Variants in TMEM177 observed in about 807,000 individuals in gnomAD.
The protein encoded by TMEM177 is transmembrane protein 177.
TMEM177 carries 4 observed loss-of-function variants against 14.2 expected under a neutral mutation model. The observed-to-expected ratio is 0.28, with a 90% CI of 0.14 to 0.64. TMEM177 has a LOEUF of 0.64. TMEM177 is among the 30% of genes least tolerant of loss of function. The pLI is 0.82. For missense variants in TMEM177, 344 were observed against 405.2 expected (o/e 0.85, Z 1.30); for synonymous variants, 179 against 174.5 (o/e 1.03, Z -0.20).
At position 119,681,730 on chromosome 2, in the gene TMEM177, A is replaced by G. The variant is rs921413042; in HGVS notation, c.877A>G (p.Thr293Ala). 1 of 1,612,818 alleles carries G rather than the reference A, an allele frequency of 6.2e-7. No homozygotes were observed. Residue 293 changes from threonine to alanine, a missense_variant, in exon 2 of 2, where the codon ACC becomes GCC. Transcript: ENST00000272521. ...LFRIKHLPYT[T>A]RRDSVLQMWR... Reference sequence around the variant, plus strand: ...CCGAATCAAACATTTACCCTACACCACCCGCCGGGACTCTGTGCTGCAGAT... The same window carrying G: ...CCGAATCAAACATTTACCCTACACCGCCCGCCGGGACTCTGTGCTGCAGAT...
the TMEM177 span, among the ~76,000 whole-genome samples, chr2:119,716,843 G>T: frequency 3.3e-5 from 5 of 152,074 alleles, no homozygotes; most frequent in Non-Finnish European, 4.4e-5. Context: ...TCACTTTCTC[G>T]TAAGTACATT....
chr2:119,690,759 G>C (rs115733964), downstream of TMEM177, among the ~76,000 whole-genome samples: 1 of 152,218 alleles, frequency 6.6e-6, no homozygotes, highest in Admixed American at 6.5e-5. Context: ...CTAGTTAAGC[G>C]CGGACAGCTC....
At chr2:119,717,465 T>C in the TMEM177 span, among the ~76,000 whole-genome samples, 2 of 152,082 alleles carry the variant, frequency 1.3e-5, no homozygotes. Flanking sequence ...TGCCCATAGT[T>C]ATGAGTGTAG....
the TMEM177 span, among the ~76,000 whole-genome samples, chr2:119,715,965 G>A: frequency 3.9e-5 from 6 of 152,210 alleles, no homozygotes; most frequent in African/African-American, 1.4e-4. Context: ...CCAGAACAAA[G>A]ACACACTTTA....
At chr2:119,704,234 A>T in the TMEM177 span, among the ~76,000 whole-genome samples, 2 of 152,224 alleles carry the variant, frequency 1.3e-5, no homozygotes, top group South Asian at 2.1e-4. Flanking sequence ...CTAGACATTT[A>T]TTCCATTTAG....
chr2:119,699,882 C>T, the TMEM177 span: 1 of 437,006 alleles, frequency 2.3e-6, no homozygotes, highest in South Asian at 1.7e-5. Flanking sequence ...TTTTGTTGCA[C>T]TAGCTTAAAA....
chr2:119,692,775 C>A, the TMEM177 span, among the ~76,000 whole-genome samples: 1 of 151,978 alleles, frequency 6.6e-6, no homozygotes, highest in African/African-American at 2.4e-5. Context: ...GAGTTTGAGA[C>A]CAGCCTGACC....
chr2:119,710,443 C>G, the TMEM177 span, among the ~76,000 whole-genome samples: 14 of 152,158 alleles, frequency 9.2e-5, no homozygotes, highest in African/African-American at 3.1e-4. Flanking sequence ...CATGCCCAAG[C>G]CCTACCCGCG....
the TMEM177 span, among the ~76,000 whole-genome samples, chr2:119,712,581 A>AAG: frequency 6.6e-6 from 1 of 152,180 alleles, no homozygotes; most frequent in African/African-American, 2.4e-5. Flanking sequence ...ACAAGCCAAG[A>AAG]AGAGGGGCCT....
the TMEM177 span, among the ~76,000 whole-genome samples, chr2:119,711,526 C>T: frequency 1.3e-5 from 2 of 152,182 alleles, no homozygotes; most frequent in East Asian, 1.9e-4. Context: ...GGCAGAAACA[C>T]GCAAGTCCTG....
chr2:119,683,603 G>A (rs1327058695), downstream of TMEM177, among the ~76,000 whole-genome samples: 1 of 152,170 alleles, frequency 6.6e-6, no homozygotes, highest in Non-Finnish European at 1.5e-5. Context: ...CGAACCATTA[G>A]CGAAGGCAGC....
At chr2:119,714,913 G>A in the TMEM177 span, among the ~76,000 whole-genome samples, 1 of 152,240 alleles carries the variant, frequency 6.6e-6, no homozygotes, top group African/African-American at 2.4e-5. Context: ...TTTGAACCCA[G>A]ACAAGGCAAT....
At chr2:119,714,919 G>C in the TMEM177 span, among the ~76,000 whole-genome samples, 5 of 152,206 alleles carry the variant, frequency 3.3e-5, no homozygotes, top group East Asian at 7.7e-4. Context: ...CCCAGACAAG[G>C]CAATAGGGAG....
the TMEM177 span, among the ~76,000 whole-genome samples, chr2:119,723,182 GC>G: frequency 6.6e-6 from 1 of 152,294 alleles, no homozygotes; most frequent in South Asian, 2.1e-4. Context: ...TTATAAAAAA[GC>G]CATCGAAGAC....
At chr2:119,696,967 A>G in the TMEM177 span, among the ~76,000 whole-genome samples, 1 of 152,044 alleles carries the variant, frequency 6.6e-6, no homozygotes, top group Non-Finnish European at 1.5e-5. Context: ...GTTGAAATCC[A>G]TTGTCTCTCC....
At chr2:119,700,605 A>T in the TMEM177 span, among the ~76,000 whole-genome samples, 1 of 152,180 alleles carries the variant, frequency 6.6e-6, no homozygotes, top group Admixed American at 6.5e-5. Context: ...CTACAGTTGC[A>T]CCCACCATCG....
At chr2:119,717,682 C>G in the TMEM177 span, among the ~76,000 whole-genome samples, 10 of 142,020 alleles carry the variant, frequency 7.0e-5, no homozygotes, top group Admixed American at 7.4e-4. Context: ...AATCTTGGCT[C>G]ACTGCAACCT....
At chr2:119,705,764 A>G in the TMEM177 span, among the ~76,000 whole-genome samples, 753 of 151,090 alleles carry the variant, frequency 5.0e-3, 5 homozygotes, top group South Asian at 0.012. Context: ...TTCCTCCCAC[A>G]CTCAAGAATA....
chr2:119,708,333 T>C, the TMEM177 span, among the ~76,000 whole-genome samples: 1 of 152,302 alleles, frequency 6.6e-6, no homozygotes, highest in South Asian at 2.1e-4. Flanking sequence ...ATCTCAGGCA[T>C]CATAATGTTG....
Sources: gnomAD v4.1 joint callset for allele counts (sites outside exome capture counted in the v4.1 genomes callset) on GRCh38, gnomAD v4.1.1 for gene constraint, MANE v1.5 for transcripts, NCBI Gene and HGNC (gene_info 2026-07-23, HGNC 2026-07-21) for gene names.